RRBP1: variants seen among roughly 807,000 people sequenced by gnomAD.
RRBP1 encodes ribosome binding protein 1.
Under a neutral mutation model 165.2 loss-of-function variants are expected in RRBP1, and 94 were observed. The ratio of observed to expected loss-of-function variants is 0.57; its 90% CI spans 0.48 to 0.68. RRBP1 has a LOEUF of 0.68. Ranked by LOEUF, RRBP1 falls within the 30% of genes least tolerant of loss-of-function variation. The pLI is 0.00. For synonymous variants in RRBP1, 680 were observed against 714.5 expected, an observed-to-expected ratio of 0.95 and a Z score of 0.77; for missense variants, 1,676 against 1,763.0, an observed-to-expected ratio of 0.95 and a Z score of 0.88.
intron 9 of RRBP1, 137 bp downstream of exon 9, chr20:17,629,685 AG>A: frequency 1.1e-6 from 1 of 880,804 alleles, no homozygotes; most frequent in Non-Finnish European, 1.7e-6. Context: ...TGACTTTCTG[AG>A]GGGCAGTCAA....
At chr20:17,632,612 C>A (rs770953738) in intron 8 of RRBP1, among the ~76,000 whole-genome samples, 1 of 152,350 alleles carries the variant, frequency 6.6e-6, no homozygotes, top group East Asian at 1.9e-4. Flanking sequence ...AATGCCCCCA[C>A]GCACTACAGC....
chr20:17,632,837 C>T (rs1473943304), intron 8 of RRBP1, among the ~76,000 whole-genome samples: 2 of 152,152 alleles, frequency 1.3e-5, no homozygotes, highest in African/African-American at 4.8e-5. Flanking sequence ...CTGCCCGTGT[C>T]CCCCTGGGGA....
At chr20:17,615,594 T>A in intron 22 of RRBP1, 65 bp from the exon 23 acceptor site, 1 of 1,358,980 alleles carries the variant, frequency 7.4e-7, no homozygotes, top group Non-Finnish European at 9.9e-7. Flanking sequence ...GTCAAGACCC[T>A]ACCGAGCACG....
intron 3 of RRBP1, among the ~76,000 whole-genome samples, chr20:17,652,795 C>T (rs921412883): frequency 2.6e-5 from 4 of 152,212 alleles, no homozygotes; most frequent in East Asian, 3.9e-4. Flanking sequence ...CACGGTCTAA[C>T]GTGTCTCATC....
At chr20:17,664,657 A>G (rs1257930112) in intron 2 of RRBP1, among the ~76,000 whole-genome samples, 2 of 152,232 alleles carry the variant, frequency 1.3e-5, no homozygotes, top group Admixed American at 1.3e-4. Flanking sequence ...GCTAATTCAC[A>G]TGGCCCGGCC....
Position 17,643,139 on chromosome 20 carries a change from G to A in RRBP1, c.1913-12C>T, listed in dbSNP as rs750132064. 4.3e-6 allele frequency: 7 copies of A among 1,612,908 alleles called. No homozygotes were observed. The highest frequency in any genetic ancestry group is 3.3e-5 in the Admixed American group (2 of 60,006). On this transcript the variant is annotated splice_polypyrimidine_tract_variant and intron_variant, in intron 3 of 24. Coordinates refer to ENST00000377813, the MANE Select transcript of RRBP1 (RefSeq NM_001365613.2). The surrounding 1 kb of genome is among the most constrained non-coding windows in gnomAD (Gnocchi z 4.3). ...GGCATCTGGGGGCCCTGTGCAGCAAGAGGGAAAGAGCTGAGACTTAGGCCC... is the reference window on the plus strand; with the variant it reads ...GGCATCTGGGGGCCCTGTGCAGCAAAAGGGAAAGAGCTGAGACTTAGGCCC...
At position 17,625,540 on chromosome 20, in the gene RRBP1, G is replaced by T. The variant is rs767136513; in HGVS notation, c.3026C>A (p.Ala1009Asp). 1.2e-5 allele frequency: 20 copies of T among 1,613,810 alleles called. No individual in the cohort carries two copies. The highest frequency in any genetic ancestry group is 1.7e-5 in the Non-Finnish European group (20 of 1,179,884). The change falls in exon 12 of 25, where the codon GCC becomes GAC. Residue 1009 changes from alanine to aspartate, a missense_variant. Around this residue, in one of 5 missense-constraint regions of RRBP1, gnomAD observed 1,184 missense variants for 1,167.1 expected, o/e 1.01. Transcript: ENST00000377813. ...GTTCTTCACTTTCTGCTGCTCGACG[G>T]CCTCCCTGAGCTCGATGGCCTCCTT... Reference protein sequence around the residue: ...LEKEAIELREAVEQQKVKNND... With the variant: ...LEKEAIELREDVEQQKVKNND...
chr20:17,625,807 T>C (rs1344743232), intron 11 of RRBP1, among the ~76,000 whole-genome samples: 1 of 146,018 alleles, frequency 6.8e-6, no homozygotes, highest in African/African-American at 2.5e-5. Context: ...CCCCCCGCCA[T>C]CCAGAGCACT....
rs1453938873 is a variant in RRBP1 at position 17,636,738 on chromosome 20, A to G, written c.2185-9T>C. ...TTTTCTGCTGCCATCTCCTGGGGGG[A>G]AAGTAGCAGAGAGAGGGGCTGGTAA... On this transcript the variant is annotated splice_polypyrimidine_tract_variant and intron_variant, in intron 5 of 24. Coordinates refer to ENST00000377813, the MANE Select transcript of RRBP1 (RefSeq NM_001365613.2). 1.9e-6 allele frequency: 3 copies of G among 1,612,164 alleles called. No homozygotes were observed. The highest frequency in any genetic ancestry group is 1.1e-5 in the South Asian group (1 of 91,072).
intron 5 of RRBP1, among the ~76,000 whole-genome samples, chr20:17,641,176 A>AT (rs1803013695): frequency 1.3e-5 from 2 of 152,214 alleles, no homozygotes; most frequent in South Asian, 4.1e-4. Context: ...AACAGCCCCT[A>AT]TGCCATGGAT....
At chr20:17,663,362 G>C (rs189107148) in intron 2 of RRBP1, among the ~76,000 whole-genome samples, 1 of 152,328 alleles carries the variant, frequency 6.6e-6, no homozygotes, top group Admixed American at 6.5e-5. Flanking sequence ...TCTCTGTTGG[G>C]ACCCAGAATC....
intron 3 of RRBP1, among the ~76,000 whole-genome samples, chr20:17,650,109 T>C (rs1003689061): frequency 1.3e-5 from 2 of 151,938 alleles, no homozygotes; most frequent in African/African-American, 2.4e-5. Flanking sequence ...TTTGGTATAA[T>C]GAGGGCCTGT....
chr20:17,652,494 G>C (rs2036575929), intron 3 of RRBP1, among the ~76,000 whole-genome samples: 1 of 152,108 alleles, frequency 6.6e-6, no homozygotes, highest in African/African-American at 2.4e-5. Context: ...CGGTGATCTA[G>C]AACCCACTGC....
At chr20:17,662,912 A>G (rs569501639) in intron 2 of RRBP1, among the ~76,000 whole-genome samples, 141 of 152,238 alleles carry the variant, frequency 9.3e-4, no homozygotes, top group Non-Finnish European at 1.9e-3. Flanking sequence ...ATGGTGGTAC[A>G]AGCCTGTGAT....
intron 8 of RRBP1, among the ~76,000 whole-genome samples, chr20:17,633,146 T>C (rs1235891636): frequency 1.3e-5 from 2 of 152,160 alleles, no homozygotes; most frequent in African/African-American, 2.4e-5. Context: ...CAAACTCCCT[T>C]ATGGGTAAAA....
In RRBP1 at chr20:17,660,249, C is replaced by A. The variant is rs2036738025; in HGVS notation, c.259G>T (p.Asp87Tyr). ...EKPNGKIPDH[D>Y]PAPNVTVLLR... ...AGGACAGTCACATTGGGGGCTGGAT[C>A]ATGATCAGGTATCTTCCCATTAGGT... is the stretch of plus-strand genomic sequence containing the variant. The change falls in exon 3 of 25, where the codon GAT (aspartate) becomes TAT (tyrosine). Residue 87 changes from aspartate to tyrosine, a missense_variant. Asp to Tyr is a radical substitution (Grantham distance 160). Coordinates refer to ENST00000377813, the MANE Select transcript of RRBP1 (RefSeq NM_001365613.2). 1 of 1,611,122 alleles carries A rather than the reference C, an allele frequency of 6.2e-7. No homozygotes were observed. The highest frequency in any genetic ancestry group is 1.7e-5 in the Admixed American group (1 of 59,388).
chr20:17,676,438 G>T (rs984726220), intron 2 of RRBP1, among the ~76,000 whole-genome samples: 1 of 152,114 alleles, frequency 6.6e-6, no homozygotes, highest in Non-Finnish European at 1.5e-5. Flanking sequence ...GCCCAGGGAG[G>T]AGAAGTCATG....
At chr20:17,667,310 A>T (rs754531129) in intron 2 of RRBP1, among the ~76,000 whole-genome samples, 2 of 152,156 alleles carry the variant, frequency 1.3e-5, no homozygotes, top group South Asian at 4.1e-4. Flanking sequence ...CAATTTAACA[A>T]CATCAATTTC....
intron 3 of RRBP1, among the ~76,000 whole-genome samples, chr20:17,655,616 A>ACACCCCCTCGGAC (rs1180421967): frequency 6.6e-6 from 1 of 152,108 alleles, no homozygotes; most frequent in Admixed American, 6.5e-5. Context: ...GGTCCGAGGG[A>ACACCCCCTCGGAC]CACCCCAGCC....
Sources: allele counts gnomAD v4.1 joint callset (sites outside exome capture counted in the v4.1 genomes callset), GRCh38; gene constraint gnomAD v4.1.1; regional missense constraint gnomAD v4.1.1; non-coding constraint Gnocchi (gnomAD v3.1); transcripts MANE v1.5; gene names NCBI Gene and HGNC (gene_info 2026-07-23, HGNC 2026-07-21).